RPS6KA2: variants seen among roughly 807,000 people sequenced by gnomAD.
The protein encoded by RPS6KA2 is ribosomal protein S6 kinase alpha-2.
Under a neutral mutation model 91.8 loss-of-function variants are expected in RPS6KA2, and 42 were observed. The observed-to-expected ratio is 0.46, with a 90% CI of 0.36 to 0.59. The LOEUF (loss-of-function observed/expected upper bound fraction) is 0.59, where lower values mean the gene tolerates loss of function less well. RPS6KA2 is among the 20% of genes least tolerant of loss of function. The pLI is 0.00. For missense variants in RPS6KA2, 798 were observed against 978.5 expected, an observed-to-expected ratio of 0.82 and a Z score of 2.46; for synonymous variants, 414 against 393.6, an observed-to-expected ratio of 1.05 and a Z score of -0.61.
rs1328634854 is a variant in RPS6KA2 at position 166,437,538 on chromosome 6, CT to C, written c.1333-5049del. On this transcript the variant is annotated intron_variant, in intron 14 of 20. Coordinates refer to ENST00000265678, the MANE Select transcript of RPS6KA2 (RefSeq NM_021135.6). This position sits in a 1 kb window ranked among gnomAD's most constrained non-coding sequence, Gnocchi z 4.3. ...GCTGGTTAGAAAGGACTCCTACAAC[CT>C]CCAGAGAAGGGCATTCTCCAGGGGT... 6.6e-6 allele frequency among the ~76,000 whole-genome samples: 1 copy of C among 152,178 alleles called. No homozygotes were observed.
intron 2 of RPS6KA2, among the ~76,000 whole-genome samples, chr6:166,688,653 G>A (rs1034742901): frequency 2.0e-5 from 3 of 152,254 alleles, no homozygotes; most frequent in African/African-American, 7.2e-5. Context: ...GCGGGAAGGC[G>A]AGAGCGACAG....
chr6:166,534,924 T>C (rs1783432324), intron 2 of RPS6KA2, among the ~76,000 whole-genome samples: 2 of 152,144 alleles, frequency 1.3e-5, no homozygotes, highest in African/African-American at 2.4e-5. Context: ...AAAATGATTT[T>C]GGTAACGAGT....
intron 1 of RPS6KA2, among the ~76,000 whole-genome samples, chr6:166,607,990 A>G (rs1465136112): frequency 6.6e-6 from 1 of 151,336 alleles, no homozygotes; most frequent in East Asian, 2.0e-4. Flanking sequence ...TGCCAGAGCG[A>G]GAAGGCAAAA....
At chr6:166,768,772 T>C (rs570206655) in intron 2 of RPS6KA2, among the ~76,000 whole-genome samples, 40 of 152,298 alleles carry the variant, frequency 2.6e-4, no homozygotes, top group African/African-American at 9.1e-4. Flanking sequence ...ATTTGCTTTT[T>C]TCATCCTGAA....
intron 2 of RPS6KA2, among the ~76,000 whole-genome samples, chr6:166,845,263 G>A (rs988806183): frequency 6.6e-5 from 10 of 152,066 alleles, no homozygotes; most frequent in Non-Finnish European, 1.5e-4. Context: ...CAGTAATAGT[G>A]GGGGACTTCA....
At chr6:166,713,544 G>A (rs980380029) in intron 2 of RPS6KA2, among the ~76,000 whole-genome samples, 3 of 152,048 alleles carry the variant, frequency 2.0e-5, no homozygotes, top group Non-Finnish European at 4.4e-5. Flanking sequence ...ACAGCCCTGG[G>A]GAGAAATACA....
intron 10 of RPS6KA2, among the ~76,000 whole-genome samples, chr6:166,476,149 G>C (rs1780965566): frequency 6.6e-6 from 1 of 152,176 alleles, no homozygotes; most frequent in Non-Finnish European, 1.5e-5. Context: ...GGAGGAGAAG[G>C]CCACATGGAG....
chr6:166,840,377 C>T (rs1056793868), intron 2 of RPS6KA2, among the ~76,000 whole-genome samples: 1 of 152,200 alleles, frequency 6.6e-6, no homozygotes, highest in Non-Finnish European at 1.5e-5. Context: ...CTCTACCTCC[C>T]CACGAGTAGA....
intron 2 of RPS6KA2, among the ~76,000 whole-genome samples, chr6:166,677,729 T>C (rs897612467): frequency 6.6e-6 from 1 of 152,218 alleles, no homozygotes; most frequent in African/African-American, 2.4e-5. Context: ...AAGTAAATTA[T>C]ATGATGCCTA....
rs1004714229 is a variant in RPS6KA2 at position 166,722,672 on chromosome 6, G to A, written c.123+135528C>T. ...CTTTCTGATGGGGCTGCCCGAGCTT[G>A]TTGTGGATGCGGAGCTGTTGAATTC... is the stretch of plus-strand genomic sequence containing the variant. On this transcript the variant is annotated intron_variant, in intron 2 of 21. Transcript: ENST00000503859. 2.6e-5 allele frequency among the ~76,000 whole-genome samples: 4 copies of A among 152,262 alleles called. No individual in the cohort carries two copies. In the South Asian group the frequency reaches 6.2e-4, roughly 24 times the overall value.
intron 1 of RPS6KA2, among the ~76,000 whole-genome samples, chr6:166,589,013 G>A (rs996239176): frequency 1.3e-5 from 2 of 152,214 alleles, no homozygotes; most frequent in African/African-American, 4.8e-5. Flanking sequence ...GAGTGCCCCC[G>A]CAGAAAAGGA....
In RPS6KA2 at chr6:166,557,745, G is replaced by A. The variant is rs541000542; in HGVS notation, c.100-18961C>T. On this transcript the variant is annotated intron_variant, in intron 1 of 20. Coordinates refer to ENST00000265678, the MANE Select transcript of RPS6KA2 (RefSeq NM_021135.6). The surrounding 1 kb of genome is among the most constrained non-coding windows in gnomAD (Gnocchi z 4.8). ...ATATCCAGAGTTCAAAATGAAACTC[G>A]AAATCCTTCTAGTCTCTATATACAG... Among the ~76,000 whole-genome samples, 40 of 152,274 alleles carry A rather than the reference G, an allele frequency of 2.6e-4. No individual in the cohort carries two copies. The highest frequency in any genetic ancestry group is 8.2e-4 in the African/African-American group (34 of 41,536).
At chr6:166,571,313 C>A (rs9459695) in intron 1 of RPS6KA2, among the ~76,000 whole-genome samples, 25,581 of 152,192 alleles carry the variant, frequency 0.17, 2,445 homozygotes, top group East Asian at 0.24. Flanking sequence ...ACACACACAA[C>A]ACAGAGAACT....
In RPS6KA2 at chr6:166,821,539, T is replaced by C. The variant is rs1354613777; in HGVS notation, c.123+36661A>G. 6.6e-6 allele frequency among the ~76,000 whole-genome samples: 1 copy of C among 152,124 alleles called. No homozygotes were observed. The highest frequency in any genetic ancestry group is 1.9e-4 in the East Asian group (1 of 5,180). On this transcript the variant is annotated intron_variant, in intron 2 of 21. Transcript: ENST00000503859. The surrounding 1 kb of genome is among the most constrained non-coding windows in gnomAD (Gnocchi z 4.1). ...GCCTGGCACGGGTCTGCCCTGTCCA[T>C]GTGCATCCTCCGTGTGGGTGCGGTG...
intron 1 of RPS6KA2, among the ~76,000 whole-genome samples, chr6:166,611,777 C>T (rs1786187022): frequency 6.6e-6 from 1 of 152,184 alleles, no homozygotes; most frequent in Non-Finnish European, 1.5e-5. Context: ...GGCTGCAAAA[C>T]CGCAAGTCAG....
chr6:166,512,275 CAG>C (rs1007850654), intron 3 of RPS6KA2, among the ~76,000 whole-genome samples: 1 of 152,152 alleles, frequency 6.6e-6, no homozygotes, highest in Non-Finnish European at 1.5e-5. Context: ...TAGCCAGAAT[CAG>C]AGAGACAGAA....
intron 2 of RPS6KA2, among the ~76,000 whole-genome samples, chr6:166,714,352 A>G (rs35049666): frequency 0.015 from 2,275 of 152,330 alleles, 19 homozygotes; most frequent in South Asian, 0.023. Flanking sequence ...GGGAAGAGAC[A>G]GCTGTGAGAT....
chr6:166,714,404 C>A (rs186507244), intron 2 of RPS6KA2, among the ~76,000 whole-genome samples: 2 of 152,280 alleles, frequency 1.3e-5, no homozygotes, highest in Admixed American at 6.5e-5. Context: ...TTTACTGGTT[C>A]CTTATGGTTG....
intron 2 of RPS6KA2, among the ~76,000 whole-genome samples, chr6:166,657,824 G>A (rs146745033): frequency 6.6e-6 from 1 of 152,350 alleles, no homozygotes; most frequent in African/African-American, 2.4e-5. Context: ...CAAGAGGCCT[G>A]AAGACCGAAA....
Sources: gnomAD v4.1 joint callset for allele counts (sites outside exome capture counted in the v4.1 genomes callset) on GRCh38, gnomAD v4.1.1 for gene constraint, Gnocchi (gnomAD v3.1) non-coding constraint, MANE v1.5 for transcripts, NCBI Gene and HGNC (gene_info 2026-07-23, HGNC 2026-07-21) for gene names.